Variants in FHAD1 observed in about 807,000 individuals in gnomAD.
FHAD1 encodes the protein forkhead-associated domain-containing protein 1.
FHAD1 carries 146 observed loss-of-function variants against 191.3 expected under a neutral mutation model. The ratio of observed to expected loss-of-function variants is 0.76; its 90% CI spans 0.67 to 0.88. The LOEUF (loss-of-function observed/expected upper bound fraction) is 0.88, where lower values mean the gene tolerates loss of function less well. FHAD1 is among the 40% of genes least tolerant of loss of function. The pLI is 0.00. For missense variants in FHAD1, 1,635 were observed against 1,785.8 expected (o/e 0.92, Z 1.52); for synonymous variants, 616 against 672.3 (o/e 0.92, Z 1.29).
chr1:15,240,630 CAAAAAAAAAAA>C (rs34684294), intron 1 of FHAD1, among the ~76,000 whole-genome samples: 1 of 109,874 alleles, frequency 9.1e-6, no homozygotes, highest in Non-Finnish European at 1.8e-5. Context: ...GACCCTGTCT[CAAAAAAAAAAA>C]AAAAAAGAAA....
chr1:15,251,115 AC>A (rs1646717138), intron 1 of FHAD1, among the ~76,000 whole-genome samples: 1 of 150,976 alleles, frequency 6.6e-6, no homozygotes. Flanking sequence ...ACATGGCAAT[AC>A]CCCGTCTCTT....
At chr1:15,334,362 G>A (rs1342112710) in intron 14 of FHAD1, 3 of 150,124 alleles carry the variant, frequency 2.0e-5, no homozygotes, top group African/African-American at 7.4e-5. Flanking sequence ...TGCTGTCATC[G>A]GCTCAGGCAG....
chr1:15,261,083 G>T (rs1650805088), intron 2 of FHAD1, among the ~76,000 whole-genome samples: 1 of 152,212 alleles, frequency 6.6e-6, no homozygotes, highest in Non-Finnish European at 1.5e-5. Flanking sequence ...GAAAGATGGT[G>T]GATGAGCCAA....
chr1:15,312,923 C>T lies in FHAD1; in HGVS notation c.1040-134C>T. 3 of 1,088,802 alleles carry T rather than the reference C, an allele frequency of 2.8e-6. No homozygotes were observed. Among genetic ancestry groups the T allele is most frequent in the Non-Finnish European group, 3.9e-6 (3 of 759,730 alleles). 67.4% of individuals were successfully genotyped at this position (1,088,802 alleles called of 1,614,324 possible). A position where few individuals can be genotyped will look rare whatever the true frequency, so the allele number is the denominator to read the frequency against. On this transcript the variant is annotated intron_variant, in intron 7 of 33. Transcript: ENST00000688493. This position sits in a 1 kb window ranked among gnomAD's most constrained non-coding sequence, Gnocchi z 4.7. ...ATGTGCAGTGGATATTGGTCTCAAC[C>T]CCATTCAAGCTCCTGGGATCCTTGG...
intron 6 of FHAD1, among the ~76,000 whole-genome samples, chr1:15,305,599 A>G (rs1220945008): frequency 2.0e-5 from 3 of 152,184 alleles, no homozygotes; most frequent in Non-Finnish European, 4.4e-5. Context: ...TATCCCAGAA[A>G]TCCCACATGT....
intron 2 of FHAD1, among the ~76,000 whole-genome samples, chr1:15,258,306 C>T (rs912428572): frequency 1.3e-5 from 2 of 152,218 alleles, no homozygotes; most frequent in African/African-American, 4.8e-5. Flanking sequence ...CTGAATTTGC[C>T]TGTAGCAGGT....
chr1:15,347,359 T>C (rs1158986646), intron 18 of FHAD1, among the ~76,000 whole-genome samples: 2 of 152,218 alleles, frequency 1.3e-5, no homozygotes, highest in African/African-American at 2.4e-5. Flanking sequence ...TCACCCCGCG[T>C]CTGTTAAAAT....
rs751376805 is a variant in FHAD1 at position 15,272,523 on chromosome 1, A to G, written c.294A>G (p.Pro98=). The G allele has an allele frequency of 2.9e-5, 44 of 1,542,402 alleles. No individual in the cohort carries two copies. The South Asian group carries it at 5.2e-4, about 18-fold the overall frequency. ...GLTYELVIEN[P]PPVSFPWMRG... ...CCTATGAACTGGTCATTGAAAATCC[A>G]CCTCCGGTGAGTCCGGGCCACTGGG... The change falls in exon 3 of 34, where the codon CCA becomes CCG. Residue 98 remains proline (P), a synonymous_variant. Coordinates refer to ENST00000688493, the MANE Select transcript of FHAD1 (RefSeq NM_001391957.1).
At chr1:15,382,587 G>C (rs1701166344) in intron 31 of FHAD1, among the ~76,000 whole-genome samples, 1 of 152,228 alleles carries the variant, frequency 6.6e-6, no homozygotes, top group South Asian at 2.1e-4. Context: ...TGGGTGGAAG[G>C]ACAGACAGGT....
intron 10 of FHAD1, among the ~76,000 whole-genome samples, chr1:15,323,984 G>A (rs752948448): frequency 1.3e-5 from 2 of 152,224 alleles, no homozygotes; most frequent in Non-Finnish European, 2.9e-5. Context: ...GTGTTAGGAT[G>A]ACTCTGTATA....
At chr1:15,257,518 C>A (rs1288107506) in intron 2 of FHAD1, among the ~76,000 whole-genome samples, 1 of 152,226 alleles carries the variant, frequency 6.6e-6, no homozygotes, top group Non-Finnish European at 1.5e-5. Flanking sequence ...TCAGGACGCG[C>A]CCGTTCACCT....
chr1:15,326,763 T>G, intron 11 of FHAD1: 9 of 252,890 alleles, frequency 3.6e-5, no homozygotes, highest in East Asian at 2.2e-4. Flanking sequence ...AGACTTCCCA[T>G]TGGATAATTG....
At chr1:15,353,863 A>T (rs1181538622) in intron 20 of FHAD1, among the ~76,000 whole-genome samples, 4 of 152,104 alleles carry the variant, frequency 2.6e-5, no homozygotes, top group Admixed American at 2.6e-4. Context: ...TACTGTTATC[A>T]CTGAGAATTG....
chr1:15,348,895 G>A, intron 18 of FHAD1, 147 bp from the exon 19 acceptor site: 1 of 588,704 alleles, frequency 1.7e-6, no homozygotes, highest in Non-Finnish European at 3.0e-6. Flanking sequence ...AGACTGAAGG[G>A]CTGGCCAGGG....
At chr1:15,242,922 G>T (rs570859730), upstream of FHAD1, among the ~76,000 whole-genome samples, 3 of 152,288 alleles carry the variant, frequency 2.0e-5, no homozygotes, top group South Asian at 4.1e-4. Context: ...TCAATAAAAT[G>T]GATTGTTGTA....
intron 10 of FHAD1, among the ~76,000 whole-genome samples, chr1:15,321,866 T>C (rs1056760652): frequency 7.2e-5 from 11 of 152,382 alleles, no homozygotes; most frequent in African/African-American, 2.2e-4. Context: ...TCTATATTTA[T>C]CCTTCATTCA....
intron 20 of FHAD1, among the ~76,000 whole-genome samples, chr1:15,354,868 G>GC (rs1692189597): frequency 6.6e-6 from 1 of 152,162 alleles, no homozygotes; most frequent in African/African-American, 2.4e-5. Context: ...AGAGGATTCT[G>GC]CAAGAAGCAA....
intron 31 of FHAD1, chr1:15,383,882 AC>A: frequency 2.2e-6 from 1 of 447,036 alleles, no homozygotes; most frequent in Non-Finnish European, 4.5e-6. Flanking sequence ...CTGGGACCTG[AC>A]CCCAGATCCC....
chr1:15,348,907 C>A (rs1334178016), intron 18 of FHAD1, 135 bp from the exon 19 acceptor site: 8 of 623,352 alleles, frequency 1.3e-5, no homozygotes, highest in Non-Finnish European at 2.2e-5. Flanking sequence ...TGGCCAGGGG[C>A]CCAGGTGTAT....
Sources: gnomAD v4.1 joint callset for allele counts (sites outside exome capture counted in the v4.1 genomes callset) on GRCh38, gnomAD v4.1.1 for gene constraint, Gnocchi (gnomAD v3.1) non-coding constraint, MANE v1.5 for transcripts, NCBI Gene and HGNC (gene_info 2026-07-23, HGNC 2026-07-21) for gene names.